The following DNAH11 variants were observed in gnomAD, a reference collection of about 807,000 sequenced individuals.
DNAH11 encodes axonemal beta dynein heavy chain 11.
DNAH11 carries 442 observed loss-of-function variants against 526.0 expected under a neutral mutation model. The ratio of observed to expected loss-of-function variants is 0.84; its 90% CI spans 0.78 to 0.91. The LOEUF (loss-of-function observed/expected upper bound fraction) is 0.91. Among genes scored for constraint, DNAH11 ranks in the 40% least tolerant of loss-of-function variants. The pLI is 0.00. For missense variants in DNAH11, 6,989 were observed against 5,448.7 expected, an observed-to-expected ratio of 1.28 and a Z score of -8.90; for synonymous variants, 2,461 against 1,935.9, an observed-to-expected ratio of 1.27 and a Z score of -7.12.
In DNAH11 at chr7:21,761,397, A is replaced by C. The variant is rs7795918; in HGVS notation, c.8941-4031A>C. On this transcript the variant is annotated intron_variant, in intron 54 of 81. Transcript: ENST00000409508. ...GAATTTAGATTACATGTAATTATTT[A>C]TTTAAAATTCTCTAAAGTTTTCATC... Among the ~76,000 whole-genome samples the C allele has an allele frequency of 8.3e-3, 1,254 of 151,772 alleles. 14 individuals carry two copies. The highest frequency in any genetic ancestry group is 0.029 in the African/African-American group (1,204 of 41,042).
Position 21,881,222 on chromosome 7 carries a change from A to G in DNAH11, c.12387+329A>G, listed in dbSNP as rs142560017. ...ATTAGGCAGGTAATGAAGCATTTGCACAAATGTAATTACATACAGCAATTC... is the reference window on the plus strand; with the variant it reads ...ATTAGGCAGGTAATGAAGCATTTGCGCAAATGTAATTACATACAGCAATTC... On this transcript the variant is annotated intron_variant, in intron 75 of 81. Coordinates refer to ENST00000409508, the MANE Select transcript of DNAH11 (RefSeq NM_001277115.2). Among the ~76,000 whole-genome samples, 332 of 152,352 alleles carry G rather than the reference A, an allele frequency of 2.2e-3. 5 individuals are homozygous for G. The highest frequency in any genetic ancestry group is 7.7e-3 in the African/African-American group (321 of 41,584).
chr7:21,825,332 T>C (rs1562568282), intron 65 of DNAH11, among the ~76,000 whole-genome samples: 2 of 152,252 alleles, frequency 1.3e-5, no homozygotes, highest in Admixed American at 1.3e-4. Flanking sequence ...CACACATTCA[T>C]GCATACAACT....
At chr7:21,688,163 C>T (rs1273574067) in intron 34 of DNAH11, among the ~76,000 whole-genome samples, 3 of 152,136 alleles carry the variant, frequency 2.0e-5, no homozygotes, top group African/African-American at 7.2e-5. Flanking sequence ...GGTTATTCTC[C>T]ACTGCATGAT....
At chr7:21,623,977 TAAAATA>T (rs975650205) in intron 25 of DNAH11, among the ~76,000 whole-genome samples, 3 of 150,172 alleles carry the variant, frequency 2.0e-5, no homozygotes, top group Admixed American at 2.0e-4. Flanking sequence ...ATAATAATAA[TAAAATA>T]AAAATAAAAA....
chr7:21,710,758 G>C lies in DNAH11; in HGVS notation c.6834+55G>C, dbSNP rs1326136144. On this transcript the variant is annotated intron_variant, in intron 41 of 81. Transcript: ENST00000409508. Reference sequence around the variant, plus strand: ...ATATAACATCCTGAGTGTATTAAGAGTTCGATTCACTTGTCGATGTTAATA... The same window carrying C: ...ATATAACATCCTGAGTGTATTAAGACTTCGATTCACTTGTCGATGTTAATA... 21 of 1,513,312 alleles carry C rather than the reference G, an allele frequency of 1.4e-5. No homozygotes were observed. In the East Asian group the frequency reaches 4.9e-4, roughly 35 times the overall value. 93.7% of individuals were successfully genotyped at this position (1,513,312 alleles called of 1,614,324 possible). A position where few individuals can be genotyped will look rare whatever the true frequency, so the allele number is the denominator to read the frequency against.
rs777256888 is a variant in DNAH11 at position 21,765,455 on chromosome 7, C to T, written c.8968C>T (p.Arg2990Cys). Residue 2990 changes from arginine to cysteine, a missense_variant, in exon 55 of 82, where the codon CGC becomes TGC. Coordinates refer to ENST00000409508, the MANE Select transcript of DNAH11 (RefSeq NM_001277115.2). ...CATTTTGTGTTTCTCTCCAGTTGGT[C>T]GCACGCTGAGAGTTAGAGCTCGGAA... is the stretch of plus-strand genomic sequence containing the variant. ...KIILCFSPVG[R>C]TLRVRARKFP... is the part of the protein sequence containing the mutation. 5.0e-6 allele frequency: 8 copies of T among 1,613,790 alleles called. 1 individual carries two copies. Among genetic ancestry groups the T allele is most frequent in the South Asian group, 4.4e-5 (4 of 91,044 alleles).
intron 62 of DNAH11, among the ~76,000 whole-genome samples, chr7:21,807,272 GTGGAT>G (rs765595169): frequency 6.6e-6 from 1 of 152,206 alleles, no homozygotes; most frequent in Non-Finnish European, 1.5e-5. Flanking sequence ...GCCAAGGCAG[GTGGAT>G]TGCTTGAGCT....
intron 55 of DNAH11, among the ~76,000 whole-genome samples, chr7:21,769,685 A>G (rs1397839115): frequency 1.3e-5 from 2 of 151,898 alleles, no homozygotes; most frequent in Non-Finnish European, 2.9e-5. Flanking sequence ...GGGTTTCACC[A>G]TGTTGCCCAG....
chr7:21,586,921 T>A (rs1395855521), intron 9 of DNAH11, among the ~76,000 whole-genome samples: 1 of 152,220 alleles, frequency 6.6e-6, no homozygotes, highest in Non-Finnish European at 1.5e-5. Flanking sequence ...AATGCTAGAC[T>A]GCCTGGTTTC....
At position 21,601,382 on chromosome 7, in the gene DNAH11, TATATATTTA is replaced by T; in HGVS notation, c.3426-10_3426-2del. 1 of 1,601,790 alleles carries T rather than the reference TATATATTTA, an allele frequency of 6.2e-7. No individual in the cohort carries two copies. Among genetic ancestry groups the T allele is most frequent in the Non-Finnish European group, 8.5e-7 (1 of 1,172,500 alleles). On this transcript the variant is annotated splice_polypyrimidine_tract_variant and splice_region_variant and intron_variant, in intron 17 of 81. Coordinates refer to ENST00000409508, the MANE Select transcript of DNAH11 (RefSeq NM_001277115.2). ...CTTAATTTGTGTGTATCTATGTACATATATATTTAATAGTCTGAATGAGCTACAAGAATT... is the reference window on the plus strand; with the variant it reads ...CTTAATTTGTGTGTATCTATGTACATATAGTCTGAATGAGCTACAAGAATT...
rs1223406364 is a variant in DNAH11 at position 21,564,243 on chromosome 7, A to G, written c.1040A>G (p.Gln347Arg). The part of the protein sequence containing the change: ...LYLRPLRRHI[Q>R]CLQETEFPQT... Reference sequence around the variant, plus strand: ...CTGAGACCTCTGAGGAGACACATCCAGTGTCTCCAGGAGACGGAATTCCCA... The same window carrying G: ...CTGAGACCTCTGAGGAGACACATCCGGTGTCTCCAGGAGACGGAATTCCCA... Residue 347 changes from glutamine (Q) to arginine (R), a missense_variant, in exon 6 of 82, where the codon CAG (glutamine) becomes CGG (arginine). By Grantham distance (43) the Gln-to-Arg change is conservative. Coordinates refer to ENST00000409508, the MANE Select transcript of DNAH11 (RefSeq NM_001277115.2). The G allele has an allele frequency of 6.2e-7, 1 of 1,613,148 alleles. No homozygotes were observed. The highest frequency in any genetic ancestry group is 8.5e-7 in the Non-Finnish European group (1 of 1,179,400).
intron 54 of DNAH11, among the ~76,000 whole-genome samples, chr7:21,751,526 C>G (rs1786411531): frequency 6.6e-6 from 1 of 152,166 alleles, no homozygotes; most frequent in African/African-American, 2.4e-5. Flanking sequence ...AGGGAAAATT[C>G]AGGCTTTCTA....
intron 60 of DNAH11, 109 bp downstream of exon 60, chr7:21,787,692 A>G: frequency 1.0e-6 from 1 of 971,568 alleles, no homozygotes; most frequent in Admixed American, 3.1e-5. Context: ...TTTTCTGAAT[A>G]AGGATATGTA....
In DNAH11 at chr7:21,616,294, C is replaced by T. The variant is rs532007878; in HGVS notation, c.4095+2C>T. On this transcript the variant is annotated splice_donor_variant, in intron 22 of 81. Transcript: ENST00000409508. LOFTEE classifies it low-confidence loss of function (GC_TO_GT_DONOR). The stretch of plus-strand genomic sequence containing the variant: ...GTAGAACTCAGAAGGTTTGCCAAGG[C>T]GAGTTCCATAACTGTCTATTACAAC... 101 of 1,608,862 alleles carry T rather than the reference C, an allele frequency of 6.3e-5. No individual in the cohort carries two copies. The South Asian group carries it at 9.8e-4, about 16-fold the overall frequency.
intron 28 of DNAH11, among the ~76,000 whole-genome samples, chr7:21,650,569 A>G (rs10260278): frequency 0.52 from 76,299 of 145,998 alleles, 20,025 homozygotes; most frequent in Admixed American, 0.66. Flanking sequence ...TCCAATTTAG[A>G]TTCTTAACCA....
chr7:21,782,572 T>C (rs1253456405), intron 57 of DNAH11, among the ~76,000 whole-genome samples: 1 of 152,110 alleles, frequency 6.6e-6, no homozygotes, highest in Non-Finnish European at 1.5e-5. Flanking sequence ...AATACTCCAT[T>C]AATAGTAAAG....
chr7:21,800,677 G>C (rs1429664611), intron 61 of DNAH11, among the ~76,000 whole-genome samples: 4 of 152,062 alleles, frequency 2.6e-5, no homozygotes, highest in Admixed American at 6.6e-5. Context: ...GGGTCTAAAG[G>C]GCTCAGTAAT....
chr7:21,886,076 T>G (rs1334023007), intron 76 of DNAH11, among the ~76,000 whole-genome samples: 4 of 152,212 alleles, frequency 2.6e-5, no homozygotes, highest in Non-Finnish European at 5.9e-5. Flanking sequence ...ATATCATGTC[T>G]ATTTCCAGTT....
intron 25 of DNAH11, among the ~76,000 whole-genome samples, chr7:21,630,424 A>G (rs1466049614): frequency 6.6e-6 from 1 of 152,200 alleles, no homozygotes; most frequent in Non-Finnish European, 1.5e-5. Context: ...TTATGGCTTT[A>G]AATACATTGT....
Sources: allele counts gnomAD v4.1 joint callset (sites outside exome capture counted in the v4.1 genomes callset), GRCh38; gene constraint gnomAD v4.1.1; transcripts MANE v1.5; gene names NCBI Gene and HGNC (gene_info 2026-07-23, HGNC 2026-07-21).